The following CYS1 variants were observed in gnomAD, a reference collection of about 807,000 sequenced individuals.
CYS1 encodes cystin-1.
Under a neutral mutation model 9.6 loss-of-function variants are expected in CYS1, and 5 were observed. That is an observed-to-expected ratio of 0.52 (90% CI 0.27 to 1.10). The LOEUF (loss-of-function observed/expected upper bound fraction) is 1.10, where lower values mean the gene tolerates loss of function less well. CYS1 is among the 50% of genes least tolerant of loss of function. The pLI is 0.11. For missense variants in CYS1, 221 were observed against 207.9 expected (o/e 1.06, Z -0.39); for synonymous variants, 88 against 95.7 (o/e 0.92, Z 0.47).
chr2:10,080,081 G>A lies in CYS1; in HGVS notation c.143C>T (p.Ala48Val). Residue 48 changes from alanine (A) to valine (V), a missense_variant, in exon 1 of 3, where the codon GCA becomes GTA. By Grantham distance (64) the Ala-to-Val change is moderately conservative (BLOSUM62 0). Coordinates refer to ENST00000381813, the MANE Select transcript of CYS1 (RefSeq NM_001037160.3). The surrounding 1 kb of genome is among the most constrained non-coding windows in gnomAD (Gnocchi z 6.4). ...GCGGCCGGGCGCCTCCTCCGCGGCT[G>A]CCCCCGGGACCTCGGCCGCCGCCAC... ...VPVAAAEVPG[A>V]AAEEAPGRDP... 2 of 1,030,494 alleles carry A rather than the reference G, an allele frequency of 1.9e-6. No homozygotes were observed. The highest frequency in any genetic ancestry group is 4.4e-5 in the South Asian group (1 of 22,760). The allele number at this position is 1,030,494 out of a possible 1,614,324, so 63.8% of individuals were successfully genotyped here.
chr2:10,073,640 G>T (rs1194182687), intron 1 of CYS1, among the ~76,000 whole-genome samples: 1 of 116,586 alleles, frequency 8.6e-6, no homozygotes, highest in Non-Finnish European at 1.9e-5. Flanking sequence ...CGGCATTTAG[G>T]GGCAGAAGGG....
At chr2:10,061,945 A>G (rs1661634792) in intron 2 of CYS1, among the ~76,000 whole-genome samples, 1 of 152,220 alleles carries the variant, frequency 6.6e-6, no homozygotes, top group African/African-American at 2.4e-5. Context: ...GGGAGTCAAG[A>G]AATGAATTTT....
chr2:10,066,711 A>G (rs564027746), intron 1 of CYS1, among the ~76,000 whole-genome samples: 1 of 152,372 alleles, frequency 6.6e-6, no homozygotes, highest in South Asian at 2.1e-4. Flanking sequence ...GGTGCTGCTC[A>G]GCTTACAATG....
intron 2 of CYS1, among the ~76,000 whole-genome samples, chr2:10,061,724 G>C (rs941337231): frequency 6.6e-6 from 1 of 152,162 alleles, no homozygotes. Flanking sequence ...GGCAGTCCTG[G>C]GTCTGTGAGA....
chr2:10,079,815 G>C, intron 1 of CYS1, 91 bp downstream of exon 1: 1 of 849,766 alleles, frequency 1.2e-6, no homozygotes, highest in Non-Finnish European at 1.5e-6. Flanking sequence ...AGGGGGCGCA[G>C]CGCGACCGGC....
chr2:10,056,907 A>AT lies in CYS1; in HGVS notation c.*1945dup, dbSNP rs1411978792. ...AAGACACTTCCTGAATTCAGGAAAA[A>AT]TTTTTTTAAAAACCTGAGAACAATT... On this transcript the variant is annotated 3_prime_UTR_variant, in exon 3 of 3. Transcript: ENST00000381813. 2 of 152,296 alleles carry AT rather than the reference A, an allele frequency of 1.3e-5. No homozygotes were observed. Among genetic ancestry groups the AT allele is most frequent in the Non-Finnish European group, 2.9e-5 (2 of 68,032 alleles). 9.4% of individuals were successfully genotyped at this position (152,296 alleles called of 1,614,324 possible).
intron 1 of CYS1, among the ~76,000 whole-genome samples, chr2:10,067,188 G>A (rs1243189964): frequency 1.3e-5 from 2 of 151,876 alleles, no homozygotes; most frequent in Non-Finnish European, 2.9e-5. Context: ...GCTAATTTTT[G>A]TATTTTTAGT....
In CYS1 at chr2:10,080,370, GT is replaced by G. The variant is rs1298681269; in HGVS notation, c.-148del. ...GAAGCGACCGCGGCCAGGGGCTAGG[GT>G]TCCCGGGCGGGGGTCGCGGCCGGAG... On this transcript the variant is annotated 5_prime_UTR_variant, in exon 1 of 3. Transcript: ENST00000381813. The surrounding 1 kb of genome is among the most constrained non-coding windows in gnomAD (Gnocchi z 6.4). 3 of 347,216 alleles carry G rather than the reference GT, an allele frequency of 8.6e-6. No homozygotes were observed. The highest frequency in any genetic ancestry group is 1.2e-5 in the Non-Finnish European group (3 of 244,572). 21.5% of individuals were successfully genotyped at this position (347,216 alleles called of 1,614,324 possible).
At chr2:10,069,525 C>T (rs544647917) in intron 1 of CYS1, among the ~76,000 whole-genome samples, 5 of 152,176 alleles carry the variant, frequency 3.3e-5, no homozygotes, top group East Asian at 3.9e-4. Flanking sequence ...CGTGCCACCA[C>T]GCCCAGCCAA....
Position 10,056,646 on chromosome 2 carries a change from G to A in CYS1, c.*2207C>T, listed in dbSNP as rs1661552274. ...TGCAACATGGGGCAGCCAGGAAGAT[G>A]CCTGAGGAGGTGCCAGGCACACAGG... On this transcript the variant is annotated 3_prime_UTR_variant, in exon 3 of 3. Coordinates refer to ENST00000381813, the MANE Select transcript of CYS1 (RefSeq NM_001037160.3). 6.6e-6 allele frequency: 1 copy of A among 152,292 alleles called. No homozygotes were observed. Among genetic ancestry groups the A allele is most frequent in the African/African-American group, 2.4e-5 (1 of 41,474 alleles). 9.4% of individuals were successfully genotyped at this position (152,292 alleles called of 1,614,324 possible).
At chr2:10,079,361 T>G (rs2125293192) in intron 1 of CYS1, among the ~76,000 whole-genome samples, 1 of 152,302 alleles carries the variant, frequency 6.6e-6, no homozygotes. Context: ...GCGAAGACGG[T>G]TGCCAAACCA....
In CYS1 at chr2:10,080,342, C is replaced by G; in HGVS notation, c.-119G>C. The G allele has an allele frequency of 1.7e-6, 1 of 576,768 alleles. No homozygotes were observed. Among genetic ancestry groups the G allele is most frequent in the Non-Finnish European group, 2.2e-6 (1 of 455,106 alleles). 35.7% of individuals were successfully genotyped at this position (576,768 alleles called of 1,614,324 possible). A position where few individuals can be genotyped will look rare whatever the true frequency, so the allele number is the denominator to read the frequency against. On this transcript the variant is annotated 5_prime_UTR_variant, in exon 1 of 3. Coordinates refer to ENST00000381813, the MANE Select transcript of CYS1 (RefSeq NM_001037160.3). The surrounding 1 kb of genome is among the most constrained non-coding windows in gnomAD (Gnocchi z 6.4). The stretch of plus-strand genomic sequence containing the variant: ...GCAGGGGGAGGCGCGGGGCGAGGTC[C>G]GGGAAGCGACCGCGGCCAGGGGCTA...
At chr2:10,074,987 C>T (rs1349228418) in intron 1 of CYS1, among the ~76,000 whole-genome samples, 1 of 152,178 alleles carries the variant, frequency 6.6e-6, no homozygotes, top group Non-Finnish European at 1.5e-5. Context: ...TGGCACATGC[C>T]TGTAGTCCCA....
chr2:10,062,243 G>C (rs751764254), intron 2 of CYS1, among the ~76,000 whole-genome samples: 1 of 151,882 alleles, frequency 6.6e-6, no homozygotes, highest in Non-Finnish European at 1.5e-5. Flanking sequence ...TTTCTTAAAA[G>C]AAAAAGACCT....
At chr2:10,070,122 C>A (rs570299620) in intron 1 of CYS1, among the ~76,000 whole-genome samples, 1 of 152,126 alleles carries the variant, frequency 6.6e-6, no homozygotes, top group African/African-American at 2.4e-5. Flanking sequence ...TCACTGTGAA[C>A]GCTCAGCAGG....
intron 1 of CYS1, among the ~76,000 whole-genome samples, chr2:10,078,115 A>G (rs532577305): frequency 6.6e-6 from 1 of 152,010 alleles, no homozygotes; most frequent in East Asian, 1.9e-4. Context: ...CAAAAAAAAA[A>G]AAAAGAAAGA....
rs766613745 is a variant in CYS1 at position 10,065,929 on chromosome 2, G to T, written c.346C>A (p.His116Asn). Residue 116 changes from histidine (H) to asparagine (N), a missense_variant, in exon 2 of 3, where the codon CAC becomes AAC. Coordinates refer to ENST00000381813, the MANE Select transcript of CYS1 (RefSeq NM_001037160.3). ...TCAGAGACATTGCCGCTCCCCGGGT[G>T]GCCCTCTGTGCTCTGCTCTGCGCAC... The part of the protein sequence containing the change: ...AVCAEQSTEG[H>N]PGSGNVSEAP... 1 of 1,614,194 alleles carries T rather than the reference G, an allele frequency of 6.2e-7. No individual in the cohort carries two copies. Among genetic ancestry groups the T allele is most frequent in the Non-Finnish European group, 8.5e-7 (1 of 1,180,022 alleles).
chr2:10,074,454 C>T (rs1661815600), intron 1 of CYS1, among the ~76,000 whole-genome samples: 1 of 152,152 alleles, frequency 6.6e-6, no homozygotes, highest in Admixed American at 6.5e-5. Flanking sequence ...CAGTCTCCCC[C>T]AGTACAACCT....
At chr2:10,069,514 G>A (rs1021862500) in intron 1 of CYS1, among the ~76,000 whole-genome samples, 5 of 151,932 alleles carry the variant, frequency 3.3e-5, no homozygotes, top group Admixed American at 1.3e-4. Context: ...GACCACAGGT[G>A]CGTGCCACCA....
Sources: allele counts gnomAD v4.1 joint callset (sites outside exome capture counted in the v4.1 genomes callset), GRCh38; gene constraint gnomAD v4.1.1; non-coding constraint Gnocchi (gnomAD v3.1); transcripts MANE v1.5; gene names NCBI Gene and HGNC (gene_info 2026-07-23, HGNC 2026-07-21).